Variants in SPTBN1 observed in about 807,000 individuals in gnomAD.
SPTBN1 encodes spectrin beta chain, non-erythrocytic 1.
Under a neutral mutation model 266.4 loss-of-function variants are expected in SPTBN1, and 32 were observed. The observed-to-expected ratio is 0.12, with a 90% CI of 0.09 to 0.16. SPTBN1 has a LOEUF of 0.16. Among genes scored for constraint, SPTBN1 ranks in the 10% least tolerant of loss-of-function variants. The pLI is 1.00. For synonymous variants in SPTBN1, 1,336 were observed against 1,162.2 expected (o/e 1.15, Z -3.04); for missense variants, 2,296 against 3,067.1 (o/e 0.75, Z 5.94).
rs369860439 is a variant in SPTBN1, at chr2:54,668,438, G to A, written c.6964G>A (p.Ala2322Thr). Residue 2322 changes from alanine to threonine, a missense_variant, in exon 36 of 36, where the codon GCA becomes ACA. Coordinates refer to ENST00000356805, the MANE Select transcript of SPTBN1 (RefSeq NM_003128.3). Reference protein sequence around the residue: ...EVSASTQSTPASSRAQTLPTS... With the variant: ...EVSASTQSTPTSSRAQTLPTS... ...GTCTGCCAGCACCCAGAGCACGCCA[G>A]CATCCAGCCGCGCGCAGACCCTCCC... 1.9e-6 allele frequency: 3 copies of A among 1,614,084 alleles called. No individual in the cohort carries two copies. The African/African-American group carries it at 4.0e-5, about 22-fold the overall frequency.
chr2:54,479,746 A>G (rs1668009372), intron 1 of SPTBN1, among the ~76,000 whole-genome samples: 1 of 152,234 alleles, frequency 6.6e-6, no homozygotes, highest in Non-Finnish European at 1.5e-5. Flanking sequence ...GCACATAGCT[A>G]TTCAATAGTT....
chr2:54,665,576 C>T (rs1394906657), intron 33 of SPTBN1, among the ~76,000 whole-genome samples: 2 of 152,154 alleles, frequency 1.3e-5, no homozygotes, highest in Non-Finnish European at 2.9e-5. Context: ...GCCTTTAGCT[C>T]ATGACCATAA....
intron 2 of SPTBN1, chr2:54,529,543 C>T: frequency 1.4e-6 from 1 of 712,920 alleles, no homozygotes; most frequent in South Asian, 1.3e-5. Context: ...AGACCACCCC[C>T]AGGAGAAACA....
At chr2:54,470,811 C>T (rs557266133) in intron 1 of SPTBN1, among the ~76,000 whole-genome samples, 1 of 152,130 alleles carries the variant, frequency 6.6e-6, no homozygotes, top group South Asian at 2.1e-4. Context: ...CTGTCTCAAA[C>T]CCCACACTGT....
chr2:54,614,734 C>T (rs1572684887), intron 4 of SPTBN1, among the ~76,000 whole-genome samples: 1 of 147,290 alleles, frequency 6.8e-6, no homozygotes, highest in Admixed American at 6.8e-5. Context: ...ATATGGGAGG[C>T]GGAGATTGCA....
chr2:54,658,371 G>A (rs903994831), intron 30 of SPTBN1, among the ~76,000 whole-genome samples: 1 of 151,994 alleles, frequency 6.6e-6, no homozygotes, highest in Non-Finnish European at 1.5e-5. Context: ...GTTCTCAAGG[G>A]GGCATGGCCT....
chr2:54,608,650 T>C (rs1677009115), intron 3 of SPTBN1, among the ~76,000 whole-genome samples: 1 of 151,660 alleles, frequency 6.6e-6, no homozygotes, highest in Non-Finnish European at 1.5e-5. Flanking sequence ...TTGGTGTTGG[T>C]ACAACAGATA....
intron 2 of SPTBN1, among the ~76,000 whole-genome samples, chr2:54,567,757 T>G (rs565024502): frequency 7.9e-5 from 12 of 152,180 alleles, no homozygotes; most frequent in Non-Finnish European, 1.5e-4. Context: ...ATTTCTTAAC[T>G]CTGGTCACTG....
chr2:54,650,137 C>CAA, intron 26 of SPTBN1, 148 bp downstream of exon 26: 1 of 1,052,030 alleles, frequency 9.5e-7, no homozygotes, highest in Non-Finnish European at 1.3e-6. Flanking sequence ...TAATAGTGCT[C>CAA]CATTTGGGAG....
rs773777143 is a variant in SPTBN1 at position 54,526,417 on chromosome 2, A to G, written c.-2A>G. On this transcript the variant is annotated 5_prime_UTR_variant, in exon 2 of 36. Coordinates refer to ENST00000356805, the MANE Select transcript of SPTBN1 (RefSeq NM_003128.3). ...GTGGAGGAGCAGCTGAGACAGTTCAAGATGACGACCACAGTAGCCACAGAC... is the reference window on the plus strand; with the variant it reads ...GTGGAGGAGCAGCTGAGACAGTTCAGGATGACGACCACAGTAGCCACAGAC... 3 of 1,613,854 alleles carry G rather than the reference A, an allele frequency of 1.9e-6. No homozygotes were observed. The highest frequency in any genetic ancestry group is 2.5e-6 in the Non-Finnish European group (3 of 1,179,934).
At chr2:54,584,839 C>G (rs1233226794) in intron 2 of SPTBN1, among the ~76,000 whole-genome samples, 2 of 152,216 alleles carry the variant, frequency 1.3e-5, no homozygotes, top group African/African-American at 2.4e-5. Context: ...CCTCCTTACA[C>G]CCAAACTGAC....
chr2:54,665,782 G>C, intron 33 of SPTBN1, 133 bp from the exon 34 acceptor site: 1 of 1,050,884 alleles, frequency 9.5e-7, no homozygotes, highest in Non-Finnish European at 1.4e-6. Flanking sequence ...CTTGTAATAA[G>C]GAAGGTTGAG....
At chr2:54,551,094 G>C (rs993767385) in intron 2 of SPTBN1, among the ~76,000 whole-genome samples, 4 of 152,186 alleles carry the variant, frequency 2.6e-5, no homozygotes, top group Non-Finnish European at 4.4e-5. Flanking sequence ...ACAAAGAATA[G>C]ATTTGTATTT....
At chr2:54,587,013 T>TA (rs1445942049) in intron 2 of SPTBN1, among the ~76,000 whole-genome samples, 1 of 152,196 alleles carries the variant, frequency 6.6e-6, no homozygotes, top group Non-Finnish European at 1.5e-5. Context: ...TTGAAAACCA[T>TA]AATAAGCAAG....
At chr2:54,592,632 C>T (rs988777381) in intron 2 of SPTBN1, among the ~76,000 whole-genome samples, 1 of 152,236 alleles carries the variant, frequency 6.6e-6, no homozygotes, top group Non-Finnish European at 1.5e-5. Context: ...AGGTATTCCA[C>T]CTGCCTTGGC....
At chr2:54,658,171 A>T in intron 30 of SPTBN1, 125 bp downstream of exon 30, 1 of 1,226,748 alleles carries the variant, frequency 8.2e-7, no homozygotes, top group Non-Finnish European at 1.1e-6. Flanking sequence ...TCAAGTAGTG[A>T]AGATCATCTT....
At chr2:54,527,101 C>G (rs1326551151) in intron 2 of SPTBN1, 2 of 152,406 alleles carry the variant, frequency 1.3e-5, no homozygotes, top group Middle Eastern at 6.3e-3. Flanking sequence ...TTTCTCATTC[C>G]CTTGTTGCTG....
chr2:54,458,434 G>A (rs141327477), intron 1 of SPTBN1, among the ~76,000 whole-genome samples: 23 of 152,236 alleles, frequency 1.5e-4, no homozygotes, highest in Admixed American at 9.8e-4. Context: ...GTCATGATGG[G>A]GGCTAAATTG....
intron 33 of SPTBN1, among the ~76,000 whole-genome samples, chr2:54,665,448 G>T (rs894027848): frequency 6.6e-6 from 1 of 152,228 alleles, no homozygotes; most frequent in African/African-American, 2.4e-5. Context: ...CAAAGGTACT[G>T]TAAGTGCTGA....
Sources: gnomAD v4.1 joint callset for allele counts (sites outside exome capture counted in the v4.1 genomes callset) on GRCh38, gnomAD v4.1.1 for gene constraint, MANE v1.5 for transcripts, NCBI Gene and HGNC (gene_info 2026-07-23, HGNC 2026-07-21) for gene names.